USP22: variants seen among roughly 807,000 people sequenced by gnomAD.
USP22 encodes ubiquitin specific peptidase 22.
USP22 carries 22 observed loss-of-function variants against 68.1 expected under a neutral mutation model. The observed-to-expected ratio is 0.32, with a 90% CI of 0.23 to 0.46. The LOEUF is 0.46. Among genes scored for constraint, USP22 ranks in the 20% least tolerant of loss-of-function variants. The pLI is 1.00. For synonymous variants in USP22, 279 were observed against 274.2 expected, an observed-to-expected ratio of 1.02 and a Z score of -0.17; for missense variants, 433 against 695.8, an observed-to-expected ratio of 0.62 and a Z score of 4.25.
chr17:21,006,884 A>T lies in USP22; in HGVS notation c.1322+12T>A, dbSNP rs1196673381. On this transcript the variant is annotated intron_variant, in intron 10 of 12. Coordinates refer to ENST00000261497, the MANE Select transcript of USP22 (RefSeq NM_015276.2). ...CCCTCAGGACACAGAACGGGCCTAC[A>T]ACCCCACATACCTGGAGGCCATGAA... 2 of 1,593,396 alleles carry T rather than the reference A, an allele frequency of 1.3e-6. No individual in the cohort carries two copies. The highest frequency in any genetic ancestry group is 1.7e-6 in the Non-Finnish European group (2 of 1,169,404).
Position 21,037,104 on chromosome 17 carries a change from C to CAG in USP22, c.171+5559_171+5560dup, listed in dbSNP as rs1414932590. On this transcript the variant is annotated intron_variant, in intron 1 of 12. Coordinates refer to ENST00000261497, the MANE Select transcript of USP22 (RefSeq NM_015276.2). ...TGAAAGAGCTCCCAGTGGATACAGCCAGATGATGGGAGCAACACAACAAAC... is the reference window on the plus strand; with the variant it reads ...TGAAAGAGCTCCCAGTGGATACAGCCAGAGATGATGGGAGCAACACAACAAAC... Among the ~76,000 whole-genome samples the CAG allele has an allele frequency of 9.2e-5, 14 of 152,314 alleles. No individual in the cohort carries two copies. The South Asian group carries it at 2.9e-3, about 32-fold the overall frequency.
intron 7 of USP22, among the ~76,000 whole-genome samples, chr17:21,012,143 C>G (rs1913990429): frequency 6.6e-6 from 1 of 152,098 alleles, no homozygotes; most frequent in Non-Finnish European, 1.5e-5. Context: ...AAGAACAGAG[C>G]CAGGCACGGT....
rs565479976 is a variant in USP22 at position 21,040,382 on chromosome 17, C to G, written c.171+2283G>C. On this transcript the variant is annotated intron_variant, in intron 1 of 12. Transcript: ENST00000261497. ...TGAAGTGATACAGGTAAATAAGTCC[C>G]CCCAGTCAGAGGAAAAAGCATGGAG... Among the ~76,000 whole-genome samples the G allele has an allele frequency of 2.0e-5, 3 of 152,264 alleles. No homozygotes were observed. The South Asian group carries it at 6.2e-4, about 32-fold the overall frequency.
At chr17:21,030,558 C>A (rs1446507959) in intron 1 of USP22, among the ~76,000 whole-genome samples, 1 of 152,218 alleles carries the variant, frequency 6.6e-6, no homozygotes, top group African/African-American at 2.4e-5. Context: ...AACTTATCCC[C>A]ACCACAGAGC....
intron 1 of USP22, among the ~76,000 whole-genome samples, chr17:21,031,566 G>A (rs9906982): frequency 6.8e-6 from 1 of 147,100 alleles, no homozygotes; most frequent in African/African-American, 2.6e-5. Context: ...ACCTAGGACT[G>A]TGCTACACAC....
rs1364364867 is a variant in USP22 at position 21,042,669 on chromosome 17, C to T, written c.167G>A (p.Arg56His). The T allele has an allele frequency of 2.3e-6, 3 of 1,286,090 alleles. No individual in the cohort carries two copies. The highest frequency in any genetic ancestry group is 3.0e-6 in the Non-Finnish European group (3 of 1,010,940). 79.7% of individuals were successfully genotyped at this position (1,286,090 alleles called of 1,614,324 possible). A position where few individuals can be genotyped will look rare whatever the true frequency, so the allele number is the denominator to read the frequency against. The change falls in exon 1 of 13, where the codon CGC becomes CAC. Residue 56 changes from arginine to histidine, a missense_variant. Arg to His is a conservative substitution (Grantham distance 29). Around this residue, in one of 4 missense-constraint regions of USP22, gnomAD observed 110 missense variants for 89.9 expected, o/e 1.22. Coordinates refer to ENST00000261497, the MANE Select transcript of USP22 (RefSeq NM_015276.2). ...VWSGTAEARK[R>H]KAKSCICHVC... ...GCGGTGGGCTGCCGGGCGCACCTTG[C>T]GCTTGCGGGCCTCAGCCGTGCCGCT...
rs921201916 is a variant in USP22, at chr17:20,999,922, T to G, written c.*3109A>C. ...GAGGGAATGCCCAGGGAGGCTGCAG[T>G]GCTCACCACGAAGCCCAGGTCCACG... is the stretch of plus-strand genomic sequence containing the variant. On this transcript the variant is annotated 3_prime_UTR_variant, in exon 13 of 13. Transcript: ENST00000261497. 6.6e-6 allele frequency: 1 copy of G among 152,280 alleles called. No individual in the cohort carries two copies. The highest frequency in any genetic ancestry group is 1.5e-5 in the Non-Finnish European group (1 of 68,114). The allele number at this position is 152,280 out of a possible 1,614,324, so 9.4% of individuals were successfully genotyped here. A position where few individuals can be genotyped will look rare whatever the true frequency, so the allele number is the denominator to read the frequency against.
rs537378766 is a variant in USP22 at position 21,005,461 on chromosome 17, G to A, written c.1323-471C>T. On this transcript the variant is annotated intron_variant, in intron 10 of 12. Coordinates refer to ENST00000261497, the MANE Select transcript of USP22 (RefSeq NM_015276.2). ...CCTCCCCTGGTGAGATGGGGGAGAG[G>A]AGTGCTGGGAACAGGAAGCCATGCA... 2.0e-5 allele frequency among the ~76,000 whole-genome samples: 3 copies of A among 152,314 alleles called. 1 individual carries two copies. The South Asian group carries it at 6.2e-4, about 32-fold the overall frequency.
chr17:21,005,001 C>T lies in USP22; in HGVS notation c.1323-11G>A, dbSNP rs1229569915. The T allele has an allele frequency of 3.0e-5, 48 of 1,613,992 alleles. No homozygotes were observed. The highest frequency in any genetic ancestry group is 4.1e-5 in the Non-Finnish European group (48 of 1,179,978). ...ATCCTGCTCTCTTTGCTGTAACAGACAACGGCAGGATTCAGCATCATTAAA... is the reference window on the plus strand; with the variant it reads ...ATCCTGCTCTCTTTGCTGTAACAGATAACGGCAGGATTCAGCATCATTAAA... On this transcript the variant is annotated splice_polypyrimidine_tract_variant and intron_variant, in intron 10 of 12. Transcript: ENST00000261497.
At chr17:21,004,168 C>T (rs773660801) in intron 12 of USP22, 34 bp downstream of exon 12, 16 of 1,608,902 alleles carry the variant, frequency 9.9e-6, no homozygotes, top group Admixed American at 1.7e-5. Context: ...ACCGTAGCCA[C>T]CGTAGGGCCT....
chr17:21,010,799 G>A (rs897883877), intron 8 of USP22, among the ~76,000 whole-genome samples: 1 of 152,044 alleles, frequency 6.6e-6, no homozygotes, highest in Non-Finnish European at 1.5e-5. Flanking sequence ...GAAGGCCGTG[G>A]ACCATGGGGA....
At chr17:21,018,216 T>G in intron 4 of USP22, 105 bp from the exon 5 acceptor site, 3 of 1,106,688 alleles carry the variant, frequency 2.7e-6, no homozygotes, top group Admixed American at 7.2e-5. Flanking sequence ...TTTCTTTTAT[T>G]CATTCATTCA....
At chr17:21,006,778 C>T (rs1913794842) in intron 10 of USP22, 118 bp downstream of exon 10, 3 of 724,234 alleles carry the variant, frequency 4.1e-6, no homozygotes, top group South Asian at 2.4e-5. Flanking sequence ...GCTGGGATTA[C>T]AGGCGGGAGC....
intron 10 of USP22, chr17:21,005,262 G>A (rs1291171985): frequency 4.6e-6 from 2 of 435,608 alleles, no homozygotes; most frequent in African/African-American, 4.0e-5. Context: ...CTGGTAATGG[G>A]AGCTGGATCT....
At position 21,028,604 on chromosome 17, in the gene USP22, A is replaced by G. The variant is rs372148011; in HGVS notation, c.242T>C (p.Phe81Ser). ...ATGCTTCTTTGTGAAACAGCCGAAG[A>G]AGACACAGTAGAGGCAGGAATGCAG... ...NRLHSCLYCVFFGCFTKKHIH... is the reference protein window; with the variant it reads ...NRLHSCLYCVSFGCFTKKHIH... Residue 81 changes from phenylalanine to serine, a missense_variant, in exon 2 of 13, where the codon TTC becomes TCC. Coordinates refer to ENST00000261497, the MANE Select transcript of USP22 (RefSeq NM_015276.2). The G allele has an allele frequency of 3.1e-6, 5 of 1,613,960 alleles. No homozygotes were observed. The highest frequency in any genetic ancestry group is 4.2e-6 in the Non-Finnish European group (5 of 1,180,024).
chr17:21,033,644 A>C (rs1972319138), intron 1 of USP22, among the ~76,000 whole-genome samples: 1 of 152,128 alleles, frequency 6.6e-6, no homozygotes, highest in South Asian at 2.1e-4. Flanking sequence ...ATGACTTCCT[A>C]CTGGTCTAAA....
At chr17:21,024,286 C>A (rs193253443) in intron 2 of USP22, among the ~76,000 whole-genome samples, 2,608 of 152,268 alleles carry the variant, frequency 0.017, 61 homozygotes, top group African/African-American at 0.058. Flanking sequence ...ACAGCCCACA[C>A]ATGTAGCTGA....
chr17:21,009,221 A>G (rs1913872230), intron 8 of USP22, among the ~76,000 whole-genome samples: 1 of 152,100 alleles, frequency 6.6e-6, no homozygotes, highest in Non-Finnish European at 1.5e-5. Context: ...CACTGACAAA[A>G]CCTGCAGAAC....
At chr17:21,042,140 C>T (rs1972441713) in intron 1 of USP22, 1 of 152,458 alleles carries the variant, frequency 6.6e-6, no homozygotes, top group Non-Finnish European at 1.5e-5. Context: ...ATCCTTTACT[C>T]ATTTTTTTGA....
Sources: gnomAD v4.1 joint callset for allele counts (sites outside exome capture counted in the v4.1 genomes callset) on GRCh38, gnomAD v4.1.1 for gene constraint, gnomAD v4.1.1 regional missense constraint, MANE v1.5 for transcripts, NCBI Gene and HGNC (gene_info 2026-07-23, HGNC 2026-07-21) for gene names.